Variants in MS4A15 observed in about 807,000 individuals in gnomAD.
MS4A15 encodes membrane-spanning 4-domains subfamily A member 15.
A neutral mutation model predicts 20.6 loss-of-function variants in MS4A15; 22 were observed. The observed-to-expected ratio is 1.07, with a 90% confidence interval of 0.76 to 1.52. The LOEUF (loss-of-function observed/expected upper bound fraction) is 1.52, where lower values mean the gene tolerates loss of function less well. Ranked by LOEUF, MS4A15 falls within the 40% of genes most tolerant of loss-of-function variation. The pLI, the probability that MS4A15 is intolerant of heterozygous loss-of-function variation, is 0.00. For missense variants in MS4A15, 312 were observed against 323.0 expected (o/e 0.97, Z 0.26); for synonymous variants, 129 against 129.3 (o/e 1.00, Z 0.02).
chr11:60,757,056 C>G lies in MS4A15; in HGVS notation c.-31C>G, dbSNP rs1454381673. ...AAAACTCATCAATTTTCGGGGAATC[C>G]CGGTAAGGGACAGTCCTGACTCCCG... On this transcript the variant is annotated splice_region_variant and 5_prime_UTR_variant, in exon 1 of 7. Transcript: ENST00000405633. 1 of 152,182 alleles carries G rather than the reference C, an allele frequency of 6.6e-6. No individual in the cohort carries two copies. Among genetic ancestry groups the G allele is most frequent in the Non-Finnish European group, 1.5e-5 (1 of 68,032 alleles). The allele number at this position is 152,182 out of a possible 1,614,324, so 9.4% of individuals were successfully genotyped here.
At chr11:60,767,461 C>T (rs1349219591) in intron 2 of MS4A15, 72 bp from the exon 3 acceptor site, 18 of 1,406,182 alleles carry the variant, frequency 1.3e-5, no homozygotes, top group Non-Finnish European at 1.7e-5. Context: ...GGGCCAGCCA[C>T]GCTCTCCGCG....
intron 1 of MS4A15, among the ~76,000 whole-genome samples, chr11:60,763,316 C>T (rs866554166): frequency 2.0e-5 from 3 of 152,052 alleles, no homozygotes; most frequent in African/African-American, 7.2e-5. Context: ...GTCCTGGTCT[C>T]GGGGTGAAGA....
chr11:60,772,581 T>C (rs1854070620), intron 4 of MS4A15, among the ~76,000 whole-genome samples: 1 of 152,238 alleles, frequency 6.6e-6, no homozygotes, highest in East Asian at 1.9e-4. Context: ...GAGGCTGTTC[T>C]GATCTCAATG....
At chr11:60,764,782 G>A (rs2134709573) in intron 2 of MS4A15, among the ~76,000 whole-genome samples, 1 of 152,240 alleles carries the variant, frequency 6.6e-6, no homozygotes, top group East Asian at 1.9e-4. Context: ...GGAGCCGTGT[G>A]CCTGTAGTCC....
chr11:60,759,325 T>C (rs1417778181), intron 1 of MS4A15, among the ~76,000 whole-genome samples: 1 of 152,236 alleles, frequency 6.6e-6, no homozygotes, highest in East Asian at 1.9e-4. Context: ...TTGTTAACTA[T>C]ATGTTTGCAG....
intron 6 of MS4A15, among the ~76,000 whole-genome samples, chr11:60,774,161 C>G (rs1475073235): frequency 6.6e-6 from 1 of 152,116 alleles, no homozygotes; most frequent in East Asian, 1.9e-4. Context: ...ACCCATAACC[C>G]CAGCACTTTG....
intron 4 of MS4A15, among the ~76,000 whole-genome samples, chr11:60,772,976 C>G (rs1854080072): frequency 6.6e-6 from 1 of 152,178 alleles, no homozygotes; most frequent in Non-Finnish European, 1.5e-5. Flanking sequence ...CCAACCAGGC[C>G]TCAGTGTCCA....
Position 60,763,870 on chromosome 11 carries a change from C to A in MS4A15, c.137C>A (p.Pro46Gln), listed in dbSNP as rs554254008. ...GGGATTATGCAGTTTGAGGAGCCACCGCTGGGGGCACAGACACCAAGGGCC... is the reference window on the plus strand; with the variant it reads ...GGGATTATGCAGTTTGAGGAGCCACAGCTGGGGGCACAGACACCAAGGGCC... ...PPGIMQFEEP[P>Q]LGAQTPRATQ... The change falls in exon 2 of 7, where the codon CCG becomes CAG. Residue 46 changes from proline to glutamine, a missense_variant. Pro to Gln is a moderately conservative substitution (Grantham distance 76, BLOSUM62 -1). Transcript: ENST00000405633. 2.3e-5 allele frequency: 37 copies of A among 1,612,990 alleles called. No homozygotes were observed. In the African/African-American group the frequency reaches 3.5e-4, roughly 15 times the overall value.
At position 60,776,071 on chromosome 11, in the gene MS4A15, C is replaced by A; in HGVS notation, c.*356C>A. On this transcript the variant is annotated 3_prime_UTR_variant, in exon 7 of 7. Transcript: ENST00000405633. ...TTCGAGGCCTGCCCTGACCCTCGGGCCTCGGGAAGGTCAGAGAGCCCGGAA... is the reference window on the plus strand; with the variant it reads ...TTCGAGGCCTGCCCTGACCCTCGGGACTCGGGAAGGTCAGAGAGCCCGGAA... 5.7e-6 allele frequency: 1 copy of A among 174,418 alleles called. No homozygotes were observed. The allele number at this position is 174,418 out of a possible 1,614,324, so 10.8% of individuals were successfully genotyped here.
intron 1 of MS4A15, among the ~76,000 whole-genome samples, chr11:60,760,854 T>A (rs1432192667): frequency 6.6e-6 from 1 of 152,196 alleles, no homozygotes; most frequent in Non-Finnish European, 1.5e-5. Context: ...GCACCTGACA[T>A]TACCTGGGGA....
At position 60,765,606 on chromosome 11, in the gene MS4A15, G is replaced by A. The variant is rs925681480; in HGVS notation, c.225+1648G>A. The stretch of plus-strand genomic sequence containing the variant: ...TCTTAAGACTAAGTCATTTGCCTAA[G>A]GCCACACAGCTGATAAATGGCATCC... On this transcript the variant is annotated intron_variant, in intron 2 of 6. Coordinates refer to ENST00000405633, the MANE Select transcript of MS4A15 (RefSeq NM_001098835.2). 2.6e-5 allele frequency among the ~76,000 whole-genome samples: 4 copies of A among 152,102 alleles called. 1 individual carries two copies. Among genetic ancestry groups the A allele is most frequent in the African/African-American group, 9.7e-5 (4 of 41,408 alleles).
chr11:60,771,275 C>G lies in MS4A15; in HGVS notation c.349-16C>G. On this transcript the variant is annotated splice_polypyrimidine_tract_variant and intron_variant, in intron 3 of 6. Coordinates refer to ENST00000405633, the MANE Select transcript of MS4A15 (RefSeq NM_001098835.2). ...GTCCTGGCTGAGGCCTCACCTGGTC[C>G]CCTCTCCCCATACAGTTCATCATCT... 2.5e-6 allele frequency: 4 copies of G among 1,613,280 alleles called. No individual in the cohort carries two copies. Among genetic ancestry groups the G allele is most frequent in the Non-Finnish European group, 2.5e-6 (3 of 1,179,926 alleles).
At position 60,773,481 on chromosome 11, in the gene MS4A15, C is replaced by T; in HGVS notation, c.495C>T (p.Asn165=). ...TGCTCATGGATTTTGGTGTTACCAA[C>T]CGGGTGCGTTGTCAGATGGCCCTCG... The part of the protein sequence containing the change: ...AILLMDFGVT[N]RDVDRGYLAV... The change falls in exon 5 of 7, where the codon AAC becomes AAT. Residue 165 remains asparagine, a synonymous_variant. Coordinates refer to ENST00000405633, the MANE Select transcript of MS4A15 (RefSeq NM_001098835.2). The T allele has an allele frequency of 1.2e-6, 2 of 1,613,694 alleles. No homozygotes were observed. Among genetic ancestry groups the T allele is most frequent in the Non-Finnish European group, 1.7e-6 (2 of 1,179,736 alleles).
rs144831960 is a variant in MS4A15, at chr11:60,759,074, T to C, written c.-29+2016T>C. 2.2e-3 allele frequency among the ~76,000 whole-genome samples: 335 copies of C among 152,358 alleles called. 4 individuals are homozygous for C. Among genetic ancestry groups the C allele is most frequent in the African/African-American group, 7.7e-3 (319 of 41,584 alleles). Reference sequence around the variant, plus strand: ...CTAATGAACCCCTACTAGCTTTGTTTCTTGCAGCGTAAGAGCTCCTCTGTG... The same window carrying C: ...CTAATGAACCCCTACTAGCTTTGTTCCTTGCAGCGTAAGAGCTCCTCTGTG... On this transcript the variant is annotated intron_variant, in intron 1 of 6. Transcript: ENST00000405633.
At chr11:60,770,472 T>C (rs1002520318) in intron 3 of MS4A15, among the ~76,000 whole-genome samples, 1 of 151,288 alleles carries the variant, frequency 6.6e-6, no homozygotes, top group Non-Finnish European at 1.5e-5. Context: ...GTGGCGGGCG[T>C]CTGTAGTCCC....
At chr11:60,774,560 C>A (rs1854135140) in intron 6 of MS4A15, among the ~76,000 whole-genome samples, 1 of 152,218 alleles carries the variant, frequency 6.6e-6, no homozygotes, top group African/African-American at 2.4e-5. Context: ...GGCCCAGGCT[C>A]AGGGCATGGG....
intron 2 of MS4A15, among the ~76,000 whole-genome samples, chr11:60,765,340 T>A (rs1853858791): frequency 6.6e-6 from 1 of 152,072 alleles, no homozygotes; most frequent in African/African-American, 2.4e-5. Flanking sequence ...TATACACACA[T>A]ATGTAGATTC....
chr11:60,764,610 G>A (rs912526763), intron 2 of MS4A15, among the ~76,000 whole-genome samples: 5 of 152,296 alleles, frequency 3.3e-5, no homozygotes, highest in African/African-American at 7.2e-5. Context: ...TACATGTAGC[G>A]TTAAAAAGAA....
chr11:60,761,888 A>G (rs1301661373), intron 1 of MS4A15, among the ~76,000 whole-genome samples: 1 of 152,226 alleles, frequency 6.6e-6, no homozygotes, highest in Non-Finnish European at 1.5e-5. Context: ...CTCTTCCAGT[A>G]GTTAGTATGC....
Sources: gnomAD v4.1 joint callset for allele counts (sites outside exome capture counted in the v4.1 genomes callset) on GRCh38, gnomAD v4.1.1 for gene constraint, MANE v1.5 for transcripts, NCBI Gene and HGNC (gene_info 2026-07-23, HGNC 2026-07-21) for gene names.